MAP4K5: variants seen among roughly 807,000 people sequenced by gnomAD.
MAP4K5 encodes MAPK/ERK kinase kinase kinase 5.
In MAP4K5, 82 loss-of-function variants were observed where a neutral mutation model predicts 135.6. The ratio of observed to expected loss-of-function variants is 0.60; its 90% CI spans 0.51 to 0.73. The LOEUF (loss-of-function observed/expected upper bound fraction) is 0.73. MAP4K5 is among the 30% of genes least tolerant of loss of function. MAP4K5 has a pLI of 0.00. For missense variants in MAP4K5, 907 were observed against 1,010.9 expected (o/e 0.90, Z 1.39); for synonymous variants, 347 against 335.0 (o/e 1.04, Z -0.39).
chr14:50,448,462 C>T (rs1555351696), intron 15 of MAP4K5, among the ~76,000 whole-genome samples: 2 of 150,378 alleles, frequency 1.3e-5, no homozygotes, highest in Non-Finnish European at 3.0e-5. Context: ...ATAAAACAAA[C>T]AGAATCAGTT....
At chr14:50,515,126 T>C (rs2038008959) in intron 2 of MAP4K5, among the ~76,000 whole-genome samples, 1 of 152,064 alleles carries the variant, frequency 6.6e-6, no homozygotes, top group Admixed American at 6.5e-5. Flanking sequence ...ATGGTCTCGA[T>C]CTCCTGACCT....
intron 14 of MAP4K5, among the ~76,000 whole-genome samples, chr14:50,452,399 A>G (rs944880016): frequency 6.6e-6 from 1 of 152,112 alleles, no homozygotes. Context: ...CTTTTGCCTG[A>G]ATGACAAGTG....
At chr14:50,530,033 C>A (rs1269102037) in intron 2 of MAP4K5, among the ~76,000 whole-genome samples, 1 of 152,142 alleles carries the variant, frequency 6.6e-6, no homozygotes, top group Admixed American at 6.6e-5. Context: ...AAACAAAAGA[C>A]AAGGAGCTAA....
At chr14:50,425,435 T>C (rs924225307) in intron 31 of MAP4K5, among the ~76,000 whole-genome samples, 15 of 152,188 alleles carry the variant, frequency 9.9e-5, no homozygotes, top group Admixed American at 8.5e-4. Context: ...GTAGGTATTA[T>C]TTAAAGTTTG....
chr14:50,438,851 T>C (rs1283909159), intron 23 of MAP4K5, among the ~76,000 whole-genome samples: 1 of 152,104 alleles, frequency 6.6e-6, no homozygotes, highest in African/African-American at 2.4e-5. Context: ...CACATGTACA[T>C]GCCTCCTATT....
At position 50,422,142 on chromosome 14, in the gene MAP4K5, C is replaced by T. The variant is rs561444058; in HGVS notation, c.2453+979G>A. Among the ~76,000 whole-genome samples the T allele has an allele frequency of 6.6e-5, 10 of 152,170 alleles. No homozygotes were observed. The East Asian group carries it at 9.7e-4, about 15-fold the overall frequency. The stretch of plus-strand genomic sequence containing the variant: ...AATTACAGGCATCAGCCACTGTGCC[C>T]GGCCCACAGTTCTTTTCTCAGCCCT... On this transcript the variant is annotated intron_variant, in intron 32 of 32. Transcript: ENST00000682126.
intron 31 of MAP4K5, 34 bp downstream of exon 31, chr14:50,425,873 T>A: frequency 6.9e-7 from 1 of 1,459,734 alleles, no homozygotes; most frequent in Non-Finnish European, 9.6e-7. Context: ...AAATTGTTAG[T>A]GGGAGTCAGT....
chr14:50,421,894 CTT>C lies in MAP4K5; in HGVS notation c.2453+1225_2453+1226del, dbSNP rs11299785. Among the ~76,000 whole-genome samples, 602 of 139,360 alleles carry C rather than the reference CTT, an allele frequency of 4.3e-3. 2 individuals carry two copies. Among genetic ancestry groups the C allele is most frequent in the Admixed American group, 6.8e-3 (96 of 14,056 alleles). 91.4% of individuals were successfully genotyped at this position (139,360 alleles called of 152,430 possible). On this transcript the variant is annotated intron_variant, in intron 32 of 32. Transcript: ENST00000682126. ...CAGGATCAATGGATGATCCACAATT[CTT>C]TTTTTTTTTTTTTTAGACAGAGTCT...
chr14:50,535,975 A>G (rs778944247), upstream of MAP4K5, among the ~76,000 whole-genome samples: 1 of 152,210 alleles, frequency 6.6e-6, no homozygotes, highest in African/African-American at 2.4e-5. Flanking sequence ...CCCCTGCACA[A>G]GCTCCCTCTC....
At chr14:50,468,489 C>T (rs2036882725) in intron 10 of MAP4K5, 162 bp downstream of exon 10, 1 of 631,830 alleles carries the variant, frequency 1.6e-6, no homozygotes, top group Non-Finnish European at 2.6e-6. Context: ...TAACTACCTT[C>T]GGACTAGCCC....
chr14:50,452,443 A>T (rs2036511283), intron 14 of MAP4K5, among the ~76,000 whole-genome samples: 1 of 152,154 alleles, frequency 6.6e-6, no homozygotes. Flanking sequence ...TAACTCTATG[A>T]ACCAAAATCT....
chr14:50,444,989 T>A, intron 18 of MAP4K5, 52 bp downstream of exon 18: 1 of 1,539,604 alleles, frequency 6.5e-7, no homozygotes, highest in Admixed American at 2.1e-5. Flanking sequence ...TTCACCCAGA[T>A]AACAATATCT....
chr14:50,442,643 AAAAT>A (rs2036254302), intron 21 of MAP4K5, 85 bp downstream of exon 21: 1 of 940,134 alleles, frequency 1.1e-6, no homozygotes. Context: ...TCGTATTTTT[AAAAT>A]AAACAACTTC....
chr14:50,499,664 A>C (rs1285787250), intron 3 of MAP4K5, among the ~76,000 whole-genome samples: 1 of 152,268 alleles, frequency 6.6e-6, no homozygotes, highest in East Asian at 1.9e-4. Flanking sequence ...TTTAAAAAAA[A>C]AAAAAAGTCA....
chr14:50,430,929 A>C (rs1229314036), intron 28 of MAP4K5, among the ~76,000 whole-genome samples: 1 of 152,102 alleles, frequency 6.6e-6, no homozygotes, highest in East Asian at 1.9e-4. Context: ...TCATAATAAC[A>C]TATTCCTTTC....
In MAP4K5 at chr14:50,532,007, T is replaced by C. The variant is rs2038403589; in HGVS notation, c.43A>G (p.Asn15Asp). ...ACGAGTTCGTAGTCCTGCTGCGGGT[T>C]CCGCCTCAGGATGTCCGCGGCAGGC... The part of the protein sequence containing the change: ...LRPAADILRR[N>D]PQQDYELVQR... Residue 15 changes from asparagine (N) to aspartate (D), a missense_variant, in exon 2 of 33, where the codon AAC becomes GAC. By Grantham distance (23) the Asn-to-Asp change is conservative. Around this residue, in one of 3 missense-constraint regions of MAP4K5, gnomAD observed 196 missense variants for 189.3 expected, o/e 1.04. Coordinates refer to ENST00000682126, the MANE Select transcript of MAP4K5 (RefSeq NM_006575.6). 3 of 1,598,412 alleles carry C rather than the reference T, an allele frequency of 1.9e-6. No individual in the cohort carries two copies. The highest frequency in any genetic ancestry group is 2.6e-6 in the Non-Finnish European group (3 of 1,172,498).
Position 50,434,422 on chromosome 14 carries a change from T to C in MAP4K5, c.2136A>G (p.Ala712=). 6.2e-7 allele frequency: 1 copy of C among 1,609,190 alleles called. No homozygotes were observed. The highest frequency in any genetic ancestry group is 8.5e-7 in the Non-Finnish European group (1 of 1,177,624). The part of the protein sequence containing the change: ...VQFETINLNS[A]SSWFTEIGAG... Reference sequence around the variant, plus strand: ...CACCAATTTCTGTAAACCATGAAGATGCAGAGTTCAAATTGATTGTCTCAA... The same window carrying C: ...CACCAATTTCTGTAAACCATGAAGACGCAGAGTTCAAATTGATTGTCTCAA... Residue 712 remains alanine (A), a synonymous_variant, in exon 28 of 33, where the codon GCA becomes GCG. Transcript: ENST00000682126.
intron 21 of MAP4K5, among the ~76,000 whole-genome samples, chr14:50,440,964 G>A (rs1328355242): frequency 6.6e-6 from 1 of 152,066 alleles, no homozygotes; most frequent in African/African-American, 2.4e-5. Context: ...GTAAAGAAGT[G>A]CTAAAAAATG....
chr14:50,542,788 C>T (rs1439815273), intron 1 of MAP4K5, among the ~76,000 whole-genome samples: 1 of 152,152 alleles, frequency 6.6e-6, no homozygotes, highest in Non-Finnish European at 1.5e-5. Flanking sequence ...TCTGTGCCCA[C>T]ACCATAATGG....
Sources: allele counts gnomAD v4.1 joint callset (sites outside exome capture counted in the v4.1 genomes callset), GRCh38; gene constraint gnomAD v4.1.1; regional missense constraint gnomAD v4.1.1; transcripts MANE v1.5; gene names NCBI Gene and HGNC (gene_info 2026-07-23, HGNC 2026-07-21).